Variants in LRP1B observed in about 807,000 individuals in gnomAD.
The protein encoded by LRP1B is LDL receptor related protein 1B.
LRP1B carries 217 observed loss-of-function variants against 556.6 expected under a neutral mutation model. The observed-to-expected ratio is 0.39, with a 90% CI of 0.35 to 0.44. The LOEUF is 0.44. Among genes scored for constraint, LRP1B ranks in the 20% least tolerant of loss-of-function variants. The pLI, the probability that LRP1B is intolerant of heterozygous loss-of-function variation, is 1.00. For missense variants in LRP1B, 5,053 were observed against 5,620.8 expected (o/e 0.90, Z 3.23); for synonymous variants, 2,047 against 1,865.8 (o/e 1.10, Z -2.50).
At chr2:141,784,351 T>C (rs758240867) in intron 2 of LRP1B, among the ~76,000 whole-genome samples, 14 of 152,012 alleles carry the variant, frequency 9.2e-5, no homozygotes, top group Non-Finnish European at 2.1e-4. Flanking sequence ...TTGCGTAGGA[T>C]ATATGAGAAA....
At chr2:141,468,714 TCA>T (rs34828157) in intron 3 of LRP1B, among the ~76,000 whole-genome samples, 66,669 of 151,794 alleles carry the variant, frequency 0.44, 14,919 homozygotes, top group Non-Finnish European at 0.49. Context: ...TGGAGAATTC[TCA>T]GAGTCATTTA....
intron 2 of LRP1B, among the ~76,000 whole-genome samples, chr2:141,709,365 TAAATA>T (rs70994445): frequency 2.2e-4 from 32 of 148,064 alleles, no homozygotes; most frequent in Admixed American, 1.3e-4. Flanking sequence ...TAAAAGAAAA[TAAATA>T]AAATAAAATA....
At chr2:141,574,842 A>C (rs1198370136) in intron 2 of LRP1B, among the ~76,000 whole-genome samples, 3 of 152,116 alleles carry the variant, frequency 2.0e-5, no homozygotes, top group African/African-American at 7.2e-5. Context: ...TCATGAATGA[A>C]CTTCCATTCA....
intron 43 of LRP1B, among the ~76,000 whole-genome samples, chr2:140,595,119 T>C (rs868745324): frequency 0.012 from 1,310 of 107,152 alleles, 42 homozygotes; most frequent in African/African-American, 0.055. Context: ...TATATATATA[T>C]ATATATATAT....
chr2:141,387,572 A>T (rs1409973966), intron 3 of LRP1B, among the ~76,000 whole-genome samples: 1 of 152,168 alleles, frequency 6.6e-6, no homozygotes, highest in African/African-American at 2.4e-5. Flanking sequence ...GATAAAGTGA[A>T]CAAATTCCTA....
At chr2:141,323,974 TCA>T (rs1687342402) in intron 3 of LRP1B, among the ~76,000 whole-genome samples, 2 of 32,106 alleles carry the variant, frequency 6.2e-5, no homozygotes, top group Non-Finnish European at 1.3e-4. Context: ...ATACATGTAC[TCA>T]CATACCTGAG....
chr2:140,539,258 G>A (rs1255392713), intron 45 of LRP1B, among the ~76,000 whole-genome samples: 1 of 152,000 alleles, frequency 6.6e-6, no homozygotes, highest in Non-Finnish European at 1.5e-5. Context: ...ACCACTCTGG[G>A]TAAAATCACT....
At chr2:140,649,532 G>A (rs4954847) in intron 41 of LRP1B, among the ~76,000 whole-genome samples, 22,404 of 152,192 alleles carry the variant, frequency 0.15, 1,927 homozygotes, top group African/African-American at 0.22. Flanking sequence ...GGAAATCATA[G>A]TTTCTTTTCT....
intron 83 of LRP1B, 117 bp downstream of exon 83, chr2:140,314,818 T>C: frequency 2.9e-6 from 2 of 698,726 alleles, no homozygotes; most frequent in South Asian, 5.3e-5. Context: ...TATTATATTG[T>C]GTTAGTCTAT....
chr2:141,749,865 G>A (rs1694047090), intron 2 of LRP1B, among the ~76,000 whole-genome samples: 1 of 152,090 alleles, frequency 6.6e-6, no homozygotes, highest in African/African-American at 2.4e-5. Context: ...TGATAATAAT[G>A]CCTGGATGCT....
At chr2:141,813,847 T>A (rs1042164460) in intron 1 of LRP1B, among the ~76,000 whole-genome samples, 1 of 152,096 alleles carries the variant, frequency 6.6e-6, no homozygotes, top group African/African-American at 2.4e-5. Flanking sequence ...ATTTATTAAG[T>A]GACAGAAAAG....
At chr2:140,382,274 C>G (rs1197654735) in intron 67 of LRP1B, among the ~76,000 whole-genome samples, 2 of 152,104 alleles carry the variant, frequency 1.3e-5, no homozygotes, top group African/African-American at 2.4e-5. Context: ...CAGCTTGTCT[C>G]TCTATGTAAA....
intron 1 of LRP1B, among the ~76,000 whole-genome samples, chr2:142,031,158 T>C (rs1469910022): frequency 6.6e-6 from 1 of 151,760 alleles, no homozygotes; most frequent in Non-Finnish European, 1.5e-5. Flanking sequence ...CCTCATTATA[T>C]AATATGATAT....
At chr2:141,142,098 A>G (rs1165758881) in intron 7 of LRP1B, among the ~76,000 whole-genome samples, 1 of 152,136 alleles carries the variant, frequency 6.6e-6, no homozygotes, top group East Asian at 1.9e-4. Flanking sequence ...ACAAAAAAAA[A>G]AATCTATTCT....
intron 1 of LRP1B, among the ~76,000 whole-genome samples, chr2:141,975,932 G>A (rs761178882): frequency 3.8e-4 from 58 of 151,994 alleles, no homozygotes; most frequent in Non-Finnish European, 7.6e-4. Flanking sequence ...ATCATTCATT[G>A]TTCTGTTATT....
chr2:140,805,304 TAA>T (rs1047154168), intron 32 of LRP1B, among the ~76,000 whole-genome samples: 35 of 152,194 alleles, frequency 2.3e-4, no homozygotes, highest in African/African-American at 8.2e-4. Flanking sequence ...GCAGAGAGCT[TAA>T]ATATCTATGG....
chr2:141,270,200 G>C (rs1362876784), intron 3 of LRP1B, among the ~76,000 whole-genome samples: 1 of 151,870 alleles, frequency 6.6e-6, no homozygotes, highest in South Asian at 2.1e-4. Context: ...CAATCATTAA[G>C]GAAATAAAAA....
intron 1 of LRP1B, among the ~76,000 whole-genome samples, chr2:141,894,896 A>G (rs530133972): frequency 1.3e-5 from 2 of 152,034 alleles, no homozygotes; most frequent in African/African-American, 4.8e-5. Context: ...CTAAAAATTA[A>G]AATTAGCTGG....
chr2:140,577,544 G>T (rs1681578560), intron 43 of LRP1B, among the ~76,000 whole-genome samples: 2 of 151,772 alleles, frequency 1.3e-5, no homozygotes, highest in Non-Finnish European at 2.9e-5. Flanking sequence ...AGCCTCCTGA[G>T]TAGCTGGGCT....
Sources: gnomAD v4.1 joint callset for allele counts (sites outside exome capture counted in the v4.1 genomes callset) on GRCh38, gnomAD v4.1.1 for gene constraint, MANE v1.5 for transcripts, NCBI Gene and HGNC (gene_info 2026-07-23, HGNC 2026-07-21) for gene names.